The following BMPR2 variants were observed in gnomAD, a reference collection of about 807,000 sequenced individuals.
BMPR2 encodes the protein bone morphogenetic protein receptor type 2.
BMPR2 carries 29 observed loss-of-function variants against 100.8 expected under a neutral mutation model. The ratio of observed to expected loss-of-function variants is 0.29; its 90% CI spans 0.21 to 0.39. The LOEUF is 0.39. Among genes scored for constraint, BMPR2 ranks in the 10% least tolerant of loss-of-function variants. BMPR2 has a pLI of 1.00. For synonymous variants in BMPR2, 382 were observed against 442.3 expected, an observed-to-expected ratio of 0.86 and a Z score of 1.71; for missense variants, 1,011 against 1,274.5, an observed-to-expected ratio of 0.79 and a Z score of 3.15.
chr2:202,523,493 G>A (rs1287894859), intron 7 of BMPR2, among the ~76,000 whole-genome samples: 1 of 152,136 alleles, frequency 6.6e-6, no homozygotes, highest in Non-Finnish European at 1.5e-5. Context: ...TCTGTCAGTG[G>A]TGGACTGGAT....
chr2:202,436,480 AC>A (rs1691618326), intron 1 of BMPR2, among the ~76,000 whole-genome samples: 1 of 150,578 alleles, frequency 6.6e-6, no homozygotes, highest in South Asian at 2.1e-4. Flanking sequence ...CAACAAAAAA[AC>A]CCACAAAAAC....
intron 1 of BMPR2, among the ~76,000 whole-genome samples, chr2:202,426,449 CG>C (rs1173500042): frequency 1.4e-5 from 2 of 148,050 alleles, no homozygotes; most frequent in East Asian, 2.0e-4. Flanking sequence ...GGCGTGGTGG[CG>C]GGTGCTTGTA....
At chr2:202,432,455 G>A (rs1691524964) in intron 1 of BMPR2, among the ~76,000 whole-genome samples, 1 of 150,336 alleles carries the variant, frequency 6.7e-6, no homozygotes, top group South Asian at 2.1e-4. Context: ...ACATCTAGGA[G>A]ATACTGTTAA....
At chr2:202,516,400 C>T (rs1206685315) in intron 5 of BMPR2, among the ~76,000 whole-genome samples, 1 of 152,162 alleles carries the variant, frequency 6.6e-6, no homozygotes, top group Non-Finnish European at 1.5e-5. Context: ...AGGCTGAGTG[C>T]TGTGACTCAC....
intron 1 of BMPR2, among the ~76,000 whole-genome samples, chr2:202,428,883 T>C (rs1691445967): frequency 6.6e-6 from 1 of 152,216 alleles, no homozygotes; most frequent in Non-Finnish European, 1.5e-5. Context: ...CTGTAAGCCT[T>C]TGCATGTGCC....
At chr2:202,421,462 CTTTTTTTT>C (rs11300022) in intron 1 of BMPR2, among the ~76,000 whole-genome samples, 1 of 140,814 alleles carries the variant, frequency 7.1e-6, no homozygotes, top group Non-Finnish European at 1.5e-5. Flanking sequence ...CCGCCCCCAC[CTTTTTTTT>C]TTTTTTTAAA....
rs1473128067 is a variant in BMPR2, at chr2:202,407,736, C to T, written c.76+30186C>T. On this transcript the variant is annotated intron_variant, in intron 1 of 12. Transcript: ENST00000374580. ...GTGAGCCAAGATCCAGCCTGGGCGA[C>T]GGAGTTCCGTCTCAAAACAAAAACA... Among the ~76,000 whole-genome samples the T allele has an allele frequency of 7.3e-5, 11 of 150,820 alleles. No individual in the cohort carries two copies. The South Asian group carries it at 8.4e-4, about 12-fold the overall frequency.
chr2:202,384,480 T>C (rs769426235), intron 1 of BMPR2, among the ~76,000 whole-genome samples: 4 of 152,188 alleles, frequency 2.6e-5, no homozygotes, highest in African/African-American at 4.8e-5. Flanking sequence ...TTCTGGAAGG[T>C]TAGATGCAAA....
At chr2:202,552,242 A>C (rs149631222) in intron 10 of BMPR2, among the ~76,000 whole-genome samples, 5 of 152,224 alleles carry the variant, frequency 3.3e-5, no homozygotes, top group African/African-American at 1.2e-4. Context: ...TTCCTGCCTC[A>C]GCCTCCCAAA....
chr2:202,486,902 C>T (rs767971564), intron 3 of BMPR2, among the ~76,000 whole-genome samples: 4 of 152,044 alleles, frequency 2.6e-5, no homozygotes, highest in Admixed American at 6.6e-5. Context: ...TGGTGGTGCA[C>T]GCCTGTAGTG....
In BMPR2 at chr2:202,413,671, C is replaced by CT. The variant is rs111949747; in HGVS notation, c.76+36132dup. ...ATTAAAAATGTTATTAATTATATTA[C>CT]TTTTTTTTTTTGAGATAGGGTCTCA... On this transcript the variant is annotated intron_variant, in intron 1 of 12. Transcript: ENST00000374580. Among the ~76,000 whole-genome samples, 85 of 146,698 alleles carry CT rather than the reference C, an allele frequency of 5.8e-4. 1 individual carries two copies. The highest frequency in any genetic ancestry group is 5.8e-3 in the South Asian group (27 of 4,660).
At chr2:202,550,522 T>A (rs1186318184) in intron 10 of BMPR2, among the ~76,000 whole-genome samples, 1 of 152,026 alleles carries the variant, frequency 6.6e-6, no homozygotes, top group East Asian at 1.9e-4. Flanking sequence ...CTAGCCTAGA[T>A]TTATAATTAT....
chr2:202,393,071 C>A (rs1574424565), intron 1 of BMPR2, among the ~76,000 whole-genome samples: 3 of 151,812 alleles, frequency 2.0e-5, no homozygotes, highest in East Asian at 3.9e-4. Flanking sequence ...AATGGCTCAG[C>A]ATGTACCTAT....
chr2:202,456,337 G>T (rs1189635952), intron 1 of BMPR2, among the ~76,000 whole-genome samples: 3 of 149,866 alleles, frequency 2.0e-5, no homozygotes, highest in East Asian at 4.1e-4. Context: ...ACGCCCAGCT[G>T]CCCAGCTAAG....
chr2:202,396,489 C>T (rs912496143), intron 1 of BMPR2, among the ~76,000 whole-genome samples: 1 of 152,098 alleles, frequency 6.6e-6, no homozygotes, highest in Non-Finnish European at 1.5e-5. Context: ...TTGCATTTAC[C>T]AGGTAGATTC....
intron 1 of BMPR2, among the ~76,000 whole-genome samples, chr2:202,389,185 A>G (rs1690494993): frequency 6.6e-6 from 1 of 151,972 alleles, no homozygotes; most frequent in South Asian, 2.1e-4. Flanking sequence ...TGATCATGCC[A>G]CTGCACTTCA....
chr2:202,535,155 G>A (rs1427326927), intron 9 of BMPR2, among the ~76,000 whole-genome samples: 4 of 142,166 alleles, frequency 2.8e-5, no homozygotes, highest in Admixed American at 6.9e-5. Context: ...CCTCCCTCCC[G>A]GATGGGGCGG....
In BMPR2 at chr2:202,444,892, A is replaced by G. The variant is rs149435712; in HGVS notation, c.77-19917A>G. Among the ~76,000 whole-genome samples the G allele has an allele frequency of 6.9e-3, 1,037 of 150,684 alleles. 102 individuals are homozygous for G. Among genetic ancestry groups the G allele is most frequent in the African/African-American group, 0.025 (992 of 40,060 alleles). On this transcript the variant is annotated intron_variant, in intron 1 of 12. Transcript: ENST00000374580. The stretch of plus-strand genomic sequence containing the variant: ...CATCCTCCGCCTCCCGGGTTCAAGC[A>G]ATTCTCGTGCCTCAGCCTCCCAAGT...
rs529517531 is a variant in BMPR2 at position 202,422,585 on chromosome 2, C to T, written c.77-42224C>T. ...CCTCCCAAAGTTCTGGGATTACAGG[C>T]GTGAGCCATCGTGCCCGGCCATAAA... is the stretch of plus-strand genomic sequence containing the variant. On this transcript the variant is annotated intron_variant, in intron 1 of 12. Transcript: ENST00000374580. 3.3e-5 allele frequency among the ~76,000 whole-genome samples: 5 copies of T among 152,256 alleles called. No homozygotes were observed. The East Asian group carries it at 7.7e-4, about 24-fold the overall frequency.
Sources: gnomAD v4.1 joint callset for allele counts (sites outside exome capture counted in the v4.1 genomes callset) on GRCh38, gnomAD v4.1.1 for gene constraint, MANE v1.5 for transcripts, NCBI Gene and HGNC (gene_info 2026-07-23, HGNC 2026-07-21) for gene names.